KLF7: variants seen among roughly 807,000 people sequenced by gnomAD.
KLF7 encodes the protein KLF transcription factor 7.
A neutral mutation model predicts 27.3 loss-of-function variants in KLF7; 2 were observed. The ratio of observed to expected loss-of-function variants is 0.07; its 90% CI spans 0.03 to 0.23. The LOEUF is 0.23. Ranked by LOEUF, KLF7 falls within the 10% of genes least tolerant of loss-of-function variation. KLF7 has a pLI of 1.00. For synonymous variants in KLF7, 165 were observed against 162.4 expected, an observed-to-expected ratio of 1.02 and a Z score of -0.12; for missense variants, 221 against 394.1, an observed-to-expected ratio of 0.56 and a Z score of 3.72.
chr2:207,163,959 AT>A, intron 1 of KLF7, among the ~76,000 whole-genome samples: 1 of 152,362 alleles, frequency 6.6e-6, no homozygotes, highest in Admixed American at 6.5e-5. Context: ...TTCTAAAAAT[AT>A]GTGAACTGTG....
chr2:207,081,288 T>C lies in KLF7; in HGVS notation c.858-24A>G, dbSNP rs376008372. The C allele has an allele frequency of 1.2e-5, 19 of 1,600,092 alleles. No homozygotes were observed. The African/African-American group carries it at 2.5e-4, about 21-fold the overall frequency. Reference sequence around the variant, plus strand: ...ACCTAGGAGATATAAACAACAAGGATATTAGAGAACTCCCAGCAAACAGCT... The same window carrying C: ...ACCTAGGAGATATAAACAACAAGGACATTAGAGAACTCCCAGCAAACAGCT... On this transcript the variant is annotated intron_variant, in intron 3 of 3. Coordinates refer to ENST00000309446, the MANE Select transcript of KLF7 (RefSeq NM_003709.4).
chr2:207,171,027 C>T (rs1050174078), upstream of KLF7, among the ~76,000 whole-genome samples: 1 of 149,444 alleles, frequency 6.7e-6, no homozygotes, highest in African/African-American at 2.5e-5. Context: ...AAATTAACAA[C>T]CTTCTGAAAA....
intron 2 of KLF7, among the ~76,000 whole-genome samples, chr2:207,104,937 A>T (rs1049609046): frequency 1.1e-4 from 17 of 152,228 alleles, no homozygotes; most frequent in Non-Finnish European, 1.0e-4. Context: ...CTACTGAGAC[A>T]GGAAGCCAGG....
chr2:207,152,140 C>T (rs966839322), intron 1 of KLF7, among the ~76,000 whole-genome samples: 1 of 152,110 alleles, frequency 6.6e-6, no homozygotes, highest in Non-Finnish European at 1.5e-5. Context: ...AAAAGCATCA[C>T]TTCCTCAGTG....
chr2:207,101,480 G>A (rs1418969694), intron 2 of KLF7, among the ~76,000 whole-genome samples: 1 of 152,226 alleles, frequency 6.6e-6, no homozygotes, highest in Non-Finnish European at 1.5e-5. Context: ...AGGGCAAGAA[G>A]TATTTCCTGG....
intron 1 of KLF7, among the ~76,000 whole-genome samples, chr2:207,146,494 C>T (rs1249781761): frequency 6.6e-6 from 1 of 152,160 alleles, no homozygotes; most frequent in African/African-American, 2.4e-5. Flanking sequence ...ACCCCTTTCC[C>T]TTGCTTTATG....
chr2:207,098,798 T>TG (rs1322247838), intron 2 of KLF7, among the ~76,000 whole-genome samples: 28 of 147,216 alleles, frequency 1.9e-4, no homozygotes, highest in Admixed American at 1.5e-3. Flanking sequence ...TTTTTTTTTT[T>TG]TTGTAGAGAC....
At chr2:207,112,069 C>G (rs2077052661) in intron 2 of KLF7, among the ~76,000 whole-genome samples, 2 of 151,692 alleles carry the variant, frequency 1.3e-5, no homozygotes, top group Admixed American at 6.6e-5. Context: ...ACAAAACCAC[C>G]TCCCTCTCAA....
intron 3 of KLF7, among the ~76,000 whole-genome samples, chr2:207,086,485 A>G (rs139921289): frequency 6.6e-6 from 1 of 152,294 alleles, no homozygotes; most frequent in Non-Finnish European, 1.5e-5. Context: ...TCCCACAAAT[A>G]CCATGTTGCA....
At chr2:207,115,962 T>C (rs947234318) in intron 2 of KLF7, among the ~76,000 whole-genome samples, 2 of 152,078 alleles carry the variant, frequency 1.3e-5, no homozygotes, top group Admixed American at 6.5e-5. Flanking sequence ...GGGCAGAAAG[T>C]GACAGAGTAC....
At position 207,155,177 on chromosome 2, in the gene KLF7, C is replaced by T. The variant is rs149239767; in HGVS notation, c.102+10290G>A. Among the ~76,000 whole-genome samples, 185 of 152,278 alleles carry T rather than the reference C, an allele frequency of 1.2e-3. 1 individual carries two copies. Among genetic ancestry groups the T allele is most frequent in the Admixed American group, 6.4e-3 (98 of 15,296 alleles). On this transcript the variant is annotated intron_variant, in intron 1 of 3. Coordinates refer to ENST00000309446, the MANE Select transcript of KLF7 (RefSeq NM_003709.4). ...CTGTAAAATGGGGATAAATAGAATA[C>T]GCATTTCATAGAGCTGTTGTGAGCA... is the stretch of plus-strand genomic sequence containing the variant.
upstream of KLF7, among the ~76,000 whole-genome samples, chr2:207,169,588 C>T (rs1387949430): frequency 6.6e-6 from 1 of 152,164 alleles, no homozygotes; most frequent in East Asian, 1.9e-4. Context: ...CTTTATTATG[C>T]CTTGCAGATA....
chr2:207,167,979 G>A (rs576221807), upstream of KLF7, among the ~76,000 whole-genome samples: 1 of 152,264 alleles, frequency 6.6e-6, no homozygotes, highest in East Asian at 1.9e-4. Flanking sequence ...ATAGAGGAAA[G>A]GTAGAAACCC....
intron 1 of KLF7, among the ~76,000 whole-genome samples, chr2:207,138,420 A>G (rs1291551961): frequency 6.6e-6 from 1 of 152,218 alleles, no homozygotes; most frequent in Non-Finnish European, 1.5e-5. Flanking sequence ...AATGAAGGTC[A>G]ACTCCACCAG....
At chr2:207,131,277 T>C (rs1472629917) in intron 1 of KLF7, among the ~76,000 whole-genome samples, 2 of 152,236 alleles carry the variant, frequency 1.3e-5, no homozygotes, top group Non-Finnish European at 2.9e-5. Flanking sequence ...AAACTGCACT[T>C]GGCTGCCCAT....
chr2:207,157,577 T>C (rs35743869), intron 1 of KLF7, among the ~76,000 whole-genome samples: 4,320 of 152,336 alleles, frequency 0.028, 89 homozygotes, highest in Non-Finnish European at 0.04. Context: ...TCTTGGAAGT[T>C]TGGCCTCATG....
At chr2:207,100,992 T>C (rs2076752646) in intron 2 of KLF7, among the ~76,000 whole-genome samples, 2 of 152,230 alleles carry the variant, frequency 1.3e-5, no homozygotes, top group Admixed American at 1.3e-4. Context: ...ATACAATGTT[T>C]GCTAACTGAG....
chr2:207,166,961 T>C (rs893863669), upstream of KLF7: 2 of 576,562 alleles, frequency 3.5e-6, no homozygotes, highest in African/African-American at 2.1e-5. Context: ...CCGCCCTCCC[T>C]CCCGCGCCTC....
chr2:207,097,007 T>A (rs577754938), intron 2 of KLF7, among the ~76,000 whole-genome samples: 1 of 152,342 alleles, frequency 6.6e-6, no homozygotes, highest in East Asian at 1.9e-4. Context: ...GAAGTTCTGA[T>A]TCAGTAGGTC....
Sources: allele counts gnomAD v4.1 joint callset (sites outside exome capture counted in the v4.1 genomes callset), GRCh38; gene constraint gnomAD v4.1.1; transcripts MANE v1.5; gene names NCBI Gene and HGNC (gene_info 2026-07-23, HGNC 2026-07-21).